Variants in SYT10 observed in about 807,000 individuals in gnomAD.
SYT10 encodes synaptotagmin-10.
Under a neutral mutation model 51.1 loss-of-function variants are expected in SYT10, and 31 were observed. The observed-to-expected ratio is 0.61, with a 90% confidence interval of 0.46 to 0.82. SYT10 has a LOEUF of 0.82. SYT10 is among the 40% of genes least tolerant of loss of function. SYT10 has a pLI of 0.00. For synonymous variants in SYT10, 233 were observed against 225.9 expected, an observed-to-expected ratio of 1.03 and a Z score of -0.28; for missense variants, 603 against 634.0, an observed-to-expected ratio of 0.95 and a Z score of 0.53.
At chr12:33,388,403 G>T (rs1295553787) in intron 3 of SYT10, among the ~76,000 whole-genome samples, 1 of 152,134 alleles carries the variant, frequency 6.6e-6, no homozygotes, top group Non-Finnish European at 1.5e-5. Context: ...AGCTTAAAAT[G>T]AGTAAGGCTT....
chr12:33,414,039 A>C (rs11052686), intron 2 of SYT10, among the ~76,000 whole-genome samples: 92,867 of 151,200 alleles, frequency 0.61, 29,727 homozygotes, highest in East Asian at 0.89. Context: ...CAATCCTAGT[A>C]TCTGATAAAA....
chr12:33,397,111 C>A (rs1383945005), intron 3 of SYT10, among the ~76,000 whole-genome samples: 2 of 152,160 alleles, frequency 1.3e-5, no homozygotes, highest in Non-Finnish European at 2.9e-5. Flanking sequence ...GATATACAGA[C>A]ACATACACAG....
intron 3 of SYT10, among the ~76,000 whole-genome samples, chr12:33,400,181 G>A (rs1423835453): frequency 1.3e-5 from 2 of 152,098 alleles, no homozygotes; most frequent in Non-Finnish European, 2.9e-5. Context: ...CATAGTTAAT[G>A]AACTTTAGAA....
chr12:33,400,642 T>C (rs1866295446), intron 3 of SYT10, among the ~76,000 whole-genome samples: 1 of 152,068 alleles, frequency 6.6e-6, no homozygotes, highest in East Asian at 1.9e-4. Flanking sequence ...GGTAGTTATG[T>C]TAAAAAAAAA....
At chr12:33,381,557 C>T (rs548649206) in intron 5 of SYT10, among the ~76,000 whole-genome samples, 4 of 151,930 alleles carry the variant, frequency 2.6e-5, no homozygotes, top group Non-Finnish European at 5.9e-5. Flanking sequence ...ATTGATGGGA[C>T]AAGAGTTCAG....
intron 1 of SYT10, among the ~76,000 whole-genome samples, chr12:33,437,002 C>G (rs1164937084): frequency 6.6e-6 from 1 of 152,142 alleles, no homozygotes; most frequent in African/African-American, 2.4e-5. Flanking sequence ...ATAAGAAAAT[C>G]TACTTTAAAG....
chr12:33,376,053 A>G lies in SYT10; in HGVS notation c.*777T>C, dbSNP rs1041416724. 4 of 152,466 alleles carry G rather than the reference A, an allele frequency of 2.6e-5. No homozygotes were observed. The highest frequency in any genetic ancestry group is 9.6e-5 in the African/African-American group (4 of 41,460). 9.4% of individuals were successfully genotyped at this position (152,466 alleles called of 1,614,324 possible). A position where few individuals can be genotyped will look rare whatever the true frequency, so the allele number is the denominator to read the frequency against. ...AAATACTAATGCTACATTTGAGATG[A>G]AGATTATTAGAATTTTAAAAATATC... On this transcript the variant is annotated 3_prime_UTR_variant, in exon 7 of 7. Transcript: ENST00000228567.
At chr12:33,437,891 C>T (rs565510352) in intron 1 of SYT10, among the ~76,000 whole-genome samples, 1 of 152,176 alleles carries the variant, frequency 6.6e-6, no homozygotes, top group South Asian at 2.1e-4. Flanking sequence ...AGGAATTTAA[C>T]ACCTACTGAA....
rs1427958834 is a variant in SYT10, at chr12:33,439,694, C to A, written c.-172G>T. 5 of 781,478 alleles carry A rather than the reference C, an allele frequency of 6.4e-6. No homozygotes were observed. The highest frequency in any genetic ancestry group is 1.9e-6 in the Non-Finnish European group (1 of 514,120). 48.4% of individuals were successfully genotyped at this position (781,478 alleles called of 1,614,324 possible). On this transcript the variant is annotated 5_prime_UTR_variant, in exon 1 of 7. Coordinates refer to ENST00000228567, the MANE Select transcript of SYT10 (RefSeq NM_198992.4). ...TAGGAGCCCCACGTTGGCCCCATGG[C>A]GGGAGCGGAGGGCGTAGGGGAAGGA...
intron 3 of SYT10, among the ~76,000 whole-genome samples, chr12:33,400,070 A>C (rs1172991730): frequency 6.6e-6 from 1 of 152,190 alleles, no homozygotes; most frequent in Non-Finnish European, 1.5e-5. Context: ...CCTGACCAGA[A>C]AGGTTTGCTC....
At chr12:33,437,098 T>C (rs1181596063) in intron 1 of SYT10, among the ~76,000 whole-genome samples, 1 of 152,248 alleles carries the variant, frequency 6.6e-6, no homozygotes, top group Non-Finnish European at 1.5e-5. Context: ...TCTATTAACT[T>C]TGAGTGTCTA....
chr12:33,411,433 G>T (rs1384621046), intron 2 of SYT10, among the ~76,000 whole-genome samples: 1 of 152,032 alleles, frequency 6.6e-6, no homozygotes, highest in Non-Finnish European at 1.5e-5. Flanking sequence ...ATTATGATCA[G>T]ACCATTGTGT....
At chr12:33,404,603 G>A (rs1052686687) in intron 3 of SYT10, among the ~76,000 whole-genome samples, 5 of 152,098 alleles carry the variant, frequency 3.3e-5, no homozygotes, top group Non-Finnish European at 7.4e-5. Context: ...ATGCTGGCCA[G>A]GCTGGTCTTG....
intron 4 of SYT10, among the ~76,000 whole-genome samples, chr12:33,382,932 G>A (rs1167645176): frequency 3.3e-5 from 5 of 152,168 alleles, no homozygotes; most frequent in Admixed American, 2.0e-4. Context: ...AACAGTAAAT[G>A]ATAAAAGGGG....
At chr12:33,390,174 G>A (rs1268814371) in intron 3 of SYT10, among the ~76,000 whole-genome samples, 1 of 152,184 alleles carries the variant, frequency 6.6e-6, no homozygotes, top group Non-Finnish European at 1.5e-5. Context: ...TCCTTGAAAA[G>A]ACCACAAACA....
At chr12:33,377,020 A>G in intron 6 of SYT10, 119 bp from the exon 7 acceptor site, 2 of 1,043,470 alleles carry the variant, frequency 1.9e-6, no homozygotes, top group Non-Finnish European at 2.9e-6. Flanking sequence ...TGAAGAAAGG[A>G]AATACATAAC....
chr12:33,404,301 G>A (rs1243162956), intron 3 of SYT10, among the ~76,000 whole-genome samples: 1 of 152,130 alleles, frequency 6.6e-6, no homozygotes, highest in African/African-American at 2.4e-5. Flanking sequence ...AAGAAAATGG[G>A]TCTCCCCAAG....
intron 2 of SYT10, among the ~76,000 whole-genome samples, chr12:33,424,686 TA>T (rs958852275): frequency 4.6e-5 from 7 of 151,490 alleles, no homozygotes; most frequent in Admixed American, 2.6e-4. Flanking sequence ...GTAAAACATG[TA>T]AAAAAAAGTG....
intron 6 of SYT10, among the ~76,000 whole-genome samples, chr12:33,377,370 A>G (rs1866072343): frequency 6.6e-6 from 1 of 151,142 alleles, no homozygotes; most frequent in African/African-American, 2.4e-5. Context: ...ATCGGGTTTC[A>G]CCATGTTGGC....
Sources: gnomAD v4.1 joint callset for allele counts (sites outside exome capture counted in the v4.1 genomes callset) on GRCh38, gnomAD v4.1.1 for gene constraint, MANE v1.5 for transcripts, NCBI Gene and HGNC (gene_info 2026-07-23, HGNC 2026-07-21) for gene names.